Variants in SLC30A1 observed in about 807,000 individuals in gnomAD.
SLC30A1 encodes the protein solute carrier family 30 member 1, also known as proton-coupled zinc antiporter SLC30A1.
A neutral mutation model predicts 29.8 loss-of-function variants in SLC30A1; 7 were observed. That is an observed-to-expected ratio of 0.23 (90% CI 0.13 to 0.44). The LOEUF (loss-of-function observed/expected upper bound fraction) is 0.44. Ranked by LOEUF, SLC30A1 falls within the 20% of genes least tolerant of loss-of-function variation. SLC30A1 has a pLI of 1.00. For missense variants in SLC30A1, 446 were observed against 647.9 expected (o/e 0.69, Z 3.38); for synonymous variants, 254 against 253.5 (o/e 1.00, Z -0.02).
intron 1 of SLC30A1, among the ~76,000 whole-genome samples, chr1:211,576,979 C>G (rs947583488): frequency 3.3e-5 from 5 of 152,026 alleles, no homozygotes; most frequent in Non-Finnish European, 7.4e-5. Flanking sequence ...AATTACACAC[C>G]AGAGAAACTT....
chr1:211,578,436 G>A lies in SLC30A1; in HGVS notation c.177C>T (p.Arg59=). ...LALVVALVAE[R]FARRTHATQK... is the part of the protein sequence containing the mutation. Reference sequence around the variant, plus strand: ...GGGTGGCGTGGGTCCGCCGGGCGAAGCGCTCGGCCACCAGCGCCACCACCA... The same window carrying A: ...GGGTGGCGTGGGTCCGCCGGGCGAAACGCTCGGCCACCAGCGCCACCACCA... The change falls in exon 1 of 2, where the codon CGC becomes CGT. Residue 59 remains arginine (R), a synonymous_variant. Transcript: ENST00000367001. 6.2e-7 allele frequency: 1 copy of A among 1,612,342 alleles called. No individual in the cohort carries two copies. Among genetic ancestry groups the A allele is most frequent in the Non-Finnish European group, 8.5e-7 (1 of 1,179,548 alleles).
chr1:211,577,508 G>C lies in SLC30A1; in HGVS notation c.622+483C>G, dbSNP rs1706734118. Among the ~76,000 whole-genome samples the C allele has an allele frequency of 3.3e-5, 5 of 152,192 alleles. No individual in the cohort carries two copies. The highest frequency in any genetic ancestry group is 3.3e-4 in the Admixed American group (5 of 15,276). On this transcript the variant is annotated intron_variant, in intron 1 of 1. Coordinates refer to ENST00000367001, the MANE Select transcript of SLC30A1 (RefSeq NM_021194.3). The surrounding 1 kb of genome is among the most constrained non-coding windows in gnomAD (Gnocchi z 4.5). ...TGCATATTATGAAACGGAGTTCAAT[G>C]GGCATAAGAACTACTTTGGCAGAGC...
Position 211,575,556 on chromosome 1 carries a change from T to C in SLC30A1, c.1356A>G (p.Gln452=), listed in dbSNP as rs751246781. Residue 452 remains glutamine, a synonymous_variant, in exon 2 of 2, where the codon CAA becomes CAG. Transcript: ENST00000367001. This position sits in a 1 kb window ranked among gnomAD's most constrained non-coding sequence, Gnocchi z 6.0. ...ALKQCCGTLP[Q]APSGKDAEKT... Reference sequence around the variant, plus strand: ...TTTCTGCATCCTTTCCAGAAGGGGCTTGTGGTAGTGTCCCACAACATTGCT... The same window carrying C: ...TTTCTGCATCCTTTCCAGAAGGGGCCTGTGGTAGTGTCCCACAACATTGCT... 6.2e-7 allele frequency: 1 copy of C among 1,614,208 alleles called. No individual in the cohort carries two copies. Among genetic ancestry groups the C allele is most frequent in the East Asian group, 2.2e-5 (1 of 44,894 alleles).
rs1706740033 is a variant in SLC30A1 at position 211,577,875 on chromosome 1, G to A, written c.622+116C>T. 4 of 1,370,940 alleles carry A rather than the reference G, an allele frequency of 2.9e-6. No homozygotes were observed. The highest frequency in any genetic ancestry group is 3.9e-6 in the Non-Finnish European group (4 of 1,024,734). 84.9% of individuals were successfully genotyped at this position (1,370,940 alleles called of 1,614,324 possible). On this transcript the variant is annotated intron_variant, in intron 1 of 1. Transcript: ENST00000367001. This position sits in a 1 kb window ranked among gnomAD's most constrained non-coding sequence, Gnocchi z 4.5. ...GACGGGGAGGGAGCAGGCAGGGGCGGCGCGGCGCAGGCCCGCTCGGGCAGC... is the reference window on the plus strand; with the variant it reads ...GACGGGGAGGGAGCAGGCAGGGGCGACGCGGCGCAGGCCCGCTCGGGCAGC...
chr1:211,575,448 G>C lies in SLC30A1; in HGVS notation c.1464C>G (p.Ile488Met), dbSNP rs2102406021. 6.2e-7 allele frequency: 1 copy of C among 1,613,758 alleles called. No homozygotes were observed. Among genetic ancestry groups the C allele is most frequent in the East Asian group, 2.2e-5 (1 of 44,888 alleles). ...TTTTAATCTCTATCACAACAGCAGG[G>C]ATGTTTTCAGCTTTAGTCCTCCTGG... ...KKPRRTKAENIPAVVIEIKNM... is the reference protein window; with the variant it reads ...KKPRRTKAENMPAVVIEIKNM... The change falls in exon 2 of 2, where the codon ATC becomes ATG. Residue 488 changes from isoleucine (I) to methionine (M), a missense_variant. Coordinates refer to ENST00000367001, the MANE Select transcript of SLC30A1 (RefSeq NM_021194.3). This position sits in a 1 kb window ranked among gnomAD's most constrained non-coding sequence, Gnocchi z 6.0.
At position 211,578,069 on chromosome 1, in the gene SLC30A1, G is replaced by C; in HGVS notation, c.544C>G (p.Gln182Glu). Residue 182 changes from glutamine to glutamate, a missense_variant, in exon 1 of 2, where the codon CAG (glutamine) becomes GAG (glutamate). This residue lies in a region of SLC30A1 where 159 missense variants were observed against 161.1 expected (regional missense o/e 0.99). Coordinates refer to ENST00000367001, the MANE Select transcript of SLC30A1 (RefSeq NM_021194.3). Reference sequence around the variant, plus strand: ...TTGGTCTCCTCCTGGTCGGGACCCTGCTCGCCCGGGGCCACGTTGATGTCG... The same window carrying C: ...TTGGTCTCCTCCTGGTCGGGACCCTCCTCGCCCGGGGCCACGTTGATGTCG... ...SSDINVAPGE[Q>E]GPDQEETNTL... 1 of 1,612,702 alleles carries C rather than the reference G, an allele frequency of 6.2e-7. No homozygotes were observed. Among genetic ancestry groups the C allele is most frequent in the Non-Finnish European group, 8.5e-7 (1 of 1,179,682 alleles).
At position 211,577,489 on chromosome 1, in the gene SLC30A1, T is replaced by C. The variant is rs2102406577; in HGVS notation, c.622+502A>G. Among the ~76,000 whole-genome samples the C allele has an allele frequency of 6.6e-6, 1 of 152,290 alleles. No individual in the cohort carries two copies. The highest frequency in any genetic ancestry group is 1.9e-4 in the East Asian group (1 of 5,188). ...AGGGTTTACACGCTCTGAATGCATA[T>C]TATGAAACGGAGTTCAATGGGCATA... is the stretch of plus-strand genomic sequence containing the variant. On this transcript the variant is annotated intron_variant, in intron 1 of 1. Coordinates refer to ENST00000367001, the MANE Select transcript of SLC30A1 (RefSeq NM_021194.3). The surrounding 1 kb of genome is among the most constrained non-coding windows in gnomAD (Gnocchi z 4.5).
In SLC30A1 at chr1:211,578,087, T is replaced by A; in HGVS notation, c.526A>T (p.Asn176Tyr). ...KSTRPGSSDINVAPGEQGPDQ... is the reference protein window; with the variant it reads ...KSTRPGSSDIYVAPGEQGPDQ... ...GGACCCTGCTCGCCCGGGGCCACGT[T>A]GATGTCGCTGCTCCCGGGGCGGGTG... The change falls in exon 1 of 2, where the codon AAC (asparagine) becomes TAC (tyrosine). Residue 176 changes from asparagine (N) to tyrosine (Y), a missense_variant. Asn to Tyr is a moderately radical substitution (Grantham distance 143). Coordinates refer to ENST00000367001, the MANE Select transcript of SLC30A1 (RefSeq NM_021194.3). 1 of 1,612,076 alleles carries A rather than the reference T, an allele frequency of 6.2e-7. No individual in the cohort carries two copies. Among genetic ancestry groups the A allele is most frequent in the Non-Finnish European group, 8.5e-7 (1 of 1,179,416 alleles).
chr1:211,578,791 C>CG lies in SLC30A1; in HGVS notation c.-180dup, dbSNP rs1706754187. 2.2e-6 allele frequency: 1 copy of CG among 458,896 alleles called. No homozygotes were observed. The highest frequency in any genetic ancestry group is 3.5e-6 in the Non-Finnish European group (1 of 287,266). The allele number at this position is 458,896 out of a possible 1,614,324, so 28.4% of individuals were successfully genotyped here. On this transcript the variant is annotated 5_prime_UTR_variant, in exon 1 of 2. Transcript: ENST00000367001. ...AAGCCCGGGTCAAGCCGCCGAGCCCCGCGCCTGTGGGCGTTCTCCGCCAGC... is the reference window on the plus strand; with the variant it reads ...AAGCCCGGGTCAAGCCGCCGAGCCCCGGCGCCTGTGGGCGTTCTCCGCCAGC...
rs1706703220 is a variant in SLC30A1 at position 211,575,185 on chromosome 1, T to C, written c.*203A>G. 3 of 505,822 alleles carry C rather than the reference T, an allele frequency of 5.9e-6. No homozygotes were observed. The highest frequency in any genetic ancestry group is 3.4e-5 in the South Asian group (1 of 29,358). 31.3% of individuals were successfully genotyped at this position (505,822 alleles called of 1,614,324 possible). On this transcript the variant is annotated 3_prime_UTR_variant, in exon 2 of 2. Transcript: ENST00000367001. This position sits in a 1 kb window ranked among gnomAD's most constrained non-coding sequence, Gnocchi z 6.0. ...CTGGCTTTCCAAAACAGTCACAGCATAGCTGTACTCTGTACTAATAATCAC... is the reference window on the plus strand; with the variant it reads ...CTGGCTTTCCAAAACAGTCACAGCACAGCTGTACTCTGTACTAATAATCAC...
At position 211,574,522 on chromosome 1, in the gene SLC30A1, T is replaced by C. The variant is rs1475176027; in HGVS notation, c.*866A>G. ...TTACATTAATCGTTTGCGTTTAGCA[T>C]GTAATTATTAGGTGTCAACATCCTT... On this transcript the variant is annotated 3_prime_UTR_variant, in exon 2 of 2. Transcript: ENST00000367001. 1 of 152,164 alleles carries C rather than the reference T, an allele frequency of 6.6e-6. No homozygotes were observed. Among genetic ancestry groups the C allele is most frequent in the East Asian group, 1.9e-4 (1 of 5,204 alleles). The allele number at this position is 152,164 out of a possible 1,614,324, so 9.4% of individuals were successfully genotyped here.
rs770298172 is a variant in SLC30A1, at chr1:211,572,242, A to T, written c.*3146T>A. ...TCAATTTTAAAAATGACAAACAAAA[A>T]ACCCCTACACCTTCCCAAGAGTTTT... On this transcript the variant is annotated 3_prime_UTR_variant, in exon 2 of 2. Transcript: ENST00000367001. 23 of 152,156 alleles carry T rather than the reference A, an allele frequency of 1.5e-4. No homozygotes were observed. The highest frequency in any genetic ancestry group is 2.9e-4 in the Non-Finnish European group (20 of 67,920). The allele number at this position is 152,156 out of a possible 1,614,324, so 9.4% of individuals were successfully genotyped here. A position where few individuals can be genotyped will look rare whatever the true frequency, so the allele number is the denominator to read the frequency against.
Position 211,578,709 on chromosome 1 carries a change from C to G in SLC30A1, c.-97G>C. 7.8e-7 allele frequency: 1 copy of G among 1,277,850 alleles called. No individual in the cohort carries two copies. Among genetic ancestry groups the G allele is most frequent in the Non-Finnish European group, 1.0e-6 (1 of 983,178 alleles). The allele number at this position is 1,277,850 out of a possible 1,614,324, so 79.2% of individuals were successfully genotyped here. ...GGTCGGCGACCGCGACACGGAGGAG[C>G]GCCCGAGTCGGGCCGTTCGGGAAAC... On this transcript the variant is annotated 5_prime_UTR_variant, in exon 1 of 2. Transcript: ENST00000367001.
Position 211,571,865 on chromosome 1 carries a change from T to A in SLC30A1, c.*3523A>T, listed in dbSNP as rs971497240. 9 of 152,144 alleles carry A rather than the reference T, an allele frequency of 5.9e-5. No homozygotes were observed. Among genetic ancestry groups the A allele is most frequent in the African/African-American group, 9.7e-5 (4 of 41,432 alleles). 9.4% of individuals were successfully genotyped at this position (152,144 alleles called of 1,614,324 possible). A position where few individuals can be genotyped will look rare whatever the true frequency, so the allele number is the denominator to read the frequency against. ...AGAAGACACAAAACAACACAACATA[T>A]AAGTTTCATAATCACAGAATATACT... On this transcript the variant is annotated 3_prime_UTR_variant, in exon 2 of 2. Coordinates refer to ENST00000367001, the MANE Select transcript of SLC30A1 (RefSeq NM_021194.3).
chr1:211,577,965 C>G lies in SLC30A1; in HGVS notation c.622+26G>C. 1 of 1,611,698 alleles carries G rather than the reference C, an allele frequency of 6.2e-7. No individual in the cohort carries two copies. The highest frequency in any genetic ancestry group is 8.5e-7 in the Non-Finnish European group (1 of 1,179,574). On this transcript the variant is annotated intron_variant, in intron 1 of 1. Coordinates refer to ENST00000367001, the MANE Select transcript of SLC30A1 (RefSeq NM_021194.3). The surrounding 1 kb of genome is among the most constrained non-coding windows in gnomAD (Gnocchi z 4.5). Reference sequence around the variant, plus strand: ...CTCTGGGCACCCCAAACCCAACCACCTGCGGCAGCGACTTTCCCGGCTCAC... The same window carrying G: ...CTCTGGGCACCCCAAACCCAACCACGTGCGGCAGCGACTTTCCCGGCTCAC...
chr1:211,576,335 A>C, intron 1 of SLC30A1, 46 bp from the exon 2 acceptor site: 3 of 1,230,852 alleles, frequency 2.4e-6, no homozygotes, highest in Non-Finnish European at 3.4e-6. Flanking sequence ...TAAAGTGTTT[A>C]TATAAACATC....
chr1:211,577,890 G>A lies in SLC30A1; in HGVS notation c.622+101C>T. 4.7e-6 allele frequency: 7 copies of A among 1,496,754 alleles called. No homozygotes were observed. Among genetic ancestry groups the A allele is most frequent in the Non-Finnish European group, 6.3e-6 (7 of 1,113,222 alleles). 92.7% of individuals were successfully genotyped at this position (1,496,754 alleles called of 1,614,324 possible). A position where few individuals can be genotyped will look rare whatever the true frequency, so the allele number is the denominator to read the frequency against. On this transcript the variant is annotated intron_variant, in intron 1 of 1. Transcript: ENST00000367001. The surrounding 1 kb of genome is among the most constrained non-coding windows in gnomAD (Gnocchi z 4.5). The stretch of plus-strand genomic sequence containing the variant: ...GGCAGGGGCGGCGCGGCGCAGGCCC[G>A]CTCGGGCAGCAGGGGGCGTGCGGGC...
Position 211,578,703 on chromosome 1 carries a change from G to T in SLC30A1, c.-91C>A. The stretch of plus-strand genomic sequence containing the variant: ...GCGGAGGGTCGGCGACCGCGACACG[G>T]AGGAGCGCCCGAGTCGGGCCGTTCG... On this transcript the variant is annotated 5_prime_UTR_variant, in exon 1 of 2. Transcript: ENST00000367001. 1 of 1,314,384 alleles carries T rather than the reference G, an allele frequency of 7.6e-7. No homozygotes were observed. The highest frequency in any genetic ancestry group is 9.9e-7 in the Non-Finnish European group (1 of 1,013,890). The allele number at this position is 1,314,384 out of a possible 1,614,324, so 81.4% of individuals were successfully genotyped here. A position where few individuals can be genotyped will look rare whatever the true frequency, so the allele number is the denominator to read the frequency against.
At chr1:211,576,365 G>C in intron 1 of SLC30A1, 76 bp from the exon 2 acceptor site, 1 of 1,033,948 alleles carries the variant, frequency 9.7e-7, no homozygotes, top group Admixed American at 3.1e-5. Context: ...TTCTTTTTAA[G>C]TGGTGATGAA....
Sources: allele counts gnomAD v4.1 joint callset (sites outside exome capture counted in the v4.1 genomes callset), GRCh38; gene constraint gnomAD v4.1.1; regional missense constraint gnomAD v4.1.1; non-coding constraint Gnocchi (gnomAD v3.1); transcripts MANE v1.5; gene names NCBI Gene and HGNC (gene_info 2026-07-23, HGNC 2026-07-21).